Variants in SUPT3H observed in about 807,000 individuals in gnomAD.
SUPT3H encodes the protein transcription initiation protein SPT3 homolog.
SUPT3H carries 44 observed loss-of-function variants against 44.3 expected under a neutral mutation model. That is an observed-to-expected ratio of 0.99 (90% CI 0.78 to 1.28). The LOEUF is 1.28. SUPT3H is among the 50% of genes most tolerant of loss of function. The pLI, the probability that SUPT3H is intolerant of heterozygous loss-of-function variation, is 0.00. For missense variants in SUPT3H, 380 were observed against 387.1 expected (o/e 0.98, Z 0.15); for synonymous variants, 124 against 125.6 (o/e 0.99, Z 0.09).
intron 2 of SUPT3H, among the ~76,000 whole-genome samples, chr6:45,249,696 C>A (rs528579005): frequency 1.3e-5 from 2 of 152,130 alleles, no homozygotes; most frequent in Non-Finnish European, 2.9e-5. Flanking sequence ...CCTTTTCCAA[C>A]CTCACTCAAG....
intron 11 of SUPT3H, among the ~76,000 whole-genome samples, chr6:44,819,227 T>G (rs781029773): frequency 5.3e-5 from 8 of 152,088 alleles, no homozygotes; most frequent in Non-Finnish European, 8.8e-5. Flanking sequence ...AATCTTGAAA[T>G]TCAACTTGAT....
intron 10 of SUPT3H, among the ~76,000 whole-genome samples, chr6:44,883,915 C>T (rs1281754400): frequency 2.6e-5 from 4 of 152,128 alleles, no homozygotes; most frequent in South Asian, 2.1e-4. Context: ...ACCATAAAAA[C>T]CCTAGAAGAA....
intron 10 of SUPT3H, among the ~76,000 whole-genome samples, chr6:44,892,226 ATAGT>A (rs1227386510): frequency 6.6e-6 from 1 of 152,116 alleles, no homozygotes; most frequent in Non-Finnish European, 1.5e-5. Context: ...CTCTAAGGAG[ATAGT>A]TATAGTTAAA....
At chr6:45,325,877 G>A (rs1298139901) in intron 2 of SUPT3H, among the ~76,000 whole-genome samples, 1 of 151,788 alleles carries the variant, frequency 6.6e-6, no homozygotes, top group Non-Finnish European at 1.5e-5. Flanking sequence ...TTGCTCCAAA[G>A]AGGATATATT....
chr6:44,892,111 G>C (rs1763399569), intron 10 of SUPT3H, among the ~76,000 whole-genome samples: 1 of 152,150 alleles, frequency 6.6e-6, no homozygotes, highest in Admixed American at 6.5e-5. Context: ...AGAATGTCTA[G>C]AGTGAAATGA....
chr6:45,313,423 A>G (rs949490248), intron 2 of SUPT3H, among the ~76,000 whole-genome samples: 3 of 152,134 alleles, frequency 2.0e-5, no homozygotes, highest in African/African-American at 7.2e-5. Context: ...AAGAGAGAAA[A>G]TCCAAATAAC....
chr6:44,921,108 T>C lies in SUPT3H; in HGVS notation c.912+11545A>G, dbSNP rs1490204632. ...TTGGATAACTGGTTTCTTATCTCCA[T>C]ACACCATACCTCCCTCCCAATATAT... On this transcript the variant is annotated intron_variant, in intron 10 of 10. Coordinates refer to ENST00000371459, the MANE Select transcript of SUPT3H (RefSeq NM_003599.4). 2.6e-5 allele frequency among the ~76,000 whole-genome samples: 4 copies of C among 152,328 alleles called. 1 individual carries two copies. In the East Asian group the frequency reaches 7.7e-4, roughly 29 times the overall value.
chr6:44,895,002 T>A (rs551817), intron 10 of SUPT3H, among the ~76,000 whole-genome samples: 2 of 151,922 alleles, frequency 1.3e-5, no homozygotes, highest in African/African-American at 4.8e-5. Context: ...GATGTTGATA[T>A]AATGGGAATG....
intron 2 of SUPT3H, among the ~76,000 whole-genome samples, chr6:45,197,085 CAT>C (rs891109465): frequency 2.6e-5 from 4 of 151,646 alleles, no homozygotes; most frequent in Admixed American, 1.3e-4. Flanking sequence ...CGTTTTAAGA[CAT>C]AATTCTTCAA....
chr6:45,363,678 TAAAC>T (rs925318472), intron 2 of SUPT3H, among the ~76,000 whole-genome samples: 1 of 150,930 alleles, frequency 6.6e-6, no homozygotes, highest in African/African-American at 2.5e-5. Flanking sequence ...TGAAAAAAAT[TAAAC>T]TAATCCACAA....
chr6:44,863,848 G>C lies in SUPT3H; in HGVS notation c.913-33991C>G, dbSNP rs554486022. Reference sequence around the variant, plus strand: ...TCGCAGCAGGCAAGAGAGAGAATAAGAGTCAAGTGGAACAGGTTTCCCTTT... The same window carrying C: ...TCGCAGCAGGCAAGAGAGAGAATAACAGTCAAGTGGAACAGGTTTCCCTTT... On this transcript the variant is annotated intron_variant, in intron 10 of 10. Coordinates refer to ENST00000371459, the MANE Select transcript of SUPT3H (RefSeq NM_003599.4). Among the ~76,000 whole-genome samples the C allele has an allele frequency of 5.3e-5, 8 of 152,172 alleles. 1 individual carries two copies. The South Asian group carries it at 1.2e-3, about 24-fold the overall frequency.
chr6:44,861,021 A>G (rs900337496), intron 10 of SUPT3H, among the ~76,000 whole-genome samples: 18 of 152,204 alleles, frequency 1.2e-4, no homozygotes, highest in African/African-American at 4.3e-4. Context: ...GGGTTCTGCT[A>G]TTAATTCACT....
At chr6:45,370,805 T>TA (rs1795932337) in intron 1 of SUPT3H, among the ~76,000 whole-genome samples, 1 of 152,212 alleles carries the variant, frequency 6.6e-6, no homozygotes, top group South Asian at 2.1e-4. Flanking sequence ...AGCCCAGTGA[T>TA]AGACTGCTCC....
intron 2 of SUPT3H, among the ~76,000 whole-genome samples, chr6:45,227,709 A>AT (rs1248686371): frequency 1.3e-5 from 2 of 152,198 alleles, no homozygotes; most frequent in Admixed American, 1.3e-4. Context: ...GCTTTATGCC[A>AT]TGAACAATAA....
intron 2 of SUPT3H, among the ~76,000 whole-genome samples, chr6:45,237,990 T>C (rs1490982092): frequency 6.6e-6 from 1 of 152,198 alleles, no homozygotes. Flanking sequence ...TGAGCAAGAC[T>C]GTGAACACTT....
intron 2 of SUPT3H, among the ~76,000 whole-genome samples, chr6:45,177,288 C>T (rs560168348): frequency 6.7e-6 from 1 of 149,654 alleles, no homozygotes; most frequent in Non-Finnish European, 1.5e-5. Flanking sequence ...GCCTCAGGAG[C>T]CAATGCGATC....
intron 4 of SUPT3H, among the ~76,000 whole-genome samples, chr6:45,018,120 A>T (rs1784576615): frequency 1.3e-5 from 2 of 151,654 alleles, no homozygotes; most frequent in Non-Finnish European, 3.0e-5. Context: ...TGTGAATGGG[A>T]GTTCACTCAT....
intron 3 of SUPT3H, among the ~76,000 whole-genome samples, chr6:45,026,222 A>G (rs531809861): frequency 6.6e-6 from 1 of 152,308 alleles, no homozygotes; most frequent in South Asian, 2.1e-4. Flanking sequence ...TGCTAGCCAG[A>G]GATAACCTCA....
At chr6:44,904,617 G>A (rs1220275367) in intron 10 of SUPT3H, among the ~76,000 whole-genome samples, 1 of 152,144 alleles carries the variant, frequency 6.6e-6, no homozygotes, top group Non-Finnish European at 1.5e-5. Flanking sequence ...TAGATTCAAT[G>A]CCATCCCCAT....
Sources: gnomAD v4.1 joint callset for allele counts (sites outside exome capture counted in the v4.1 genomes callset) on GRCh38, gnomAD v4.1.1 for gene constraint, MANE v1.5 for transcripts, NCBI Gene and HGNC (gene_info 2026-07-23, HGNC 2026-07-21) for gene names.